The following FGFR1 variants were observed in gnomAD, a reference collection of about 807,000 sequenced individuals.
FGFR1 encodes the protein FGFR1/PLAG1 fusion.
Under a neutral mutation model 93.7 loss-of-function variants are expected in FGFR1, and 18 were observed. That is an observed-to-expected ratio of 0.19 (90% CI 0.13 to 0.28). The LOEUF is 0.28. Among genes scored for constraint, FGFR1 ranks in the 10% least tolerant of loss-of-function variants. FGFR1 has a pLI of 1.00. For missense variants in FGFR1, 731 were observed against 1,080.4 expected (o/e 0.68, Z 4.53); for synonymous variants, 448 against 429.3 (o/e 1.04, Z -0.54).
intron 2 of FGFR1, among the ~76,000 whole-genome samples, chr8:38,433,639 C>T (rs1196677898): frequency 1.3e-5 from 2 of 152,120 alleles, no homozygotes; most frequent in Non-Finnish European, 2.9e-5. Context: ...TGTCTTAAAA[C>T]AAAACAAGAA....
At chr8:38,414,981 T>G in intron 13 of FGFR1, 80 bp from the exon 14 acceptor site, 1 of 1,167,744 alleles carries the variant, frequency 8.6e-7, no homozygotes, top group Non-Finnish European at 1.3e-6. Flanking sequence ...CCCATGCAAC[T>G]AGCCGACTTG....
chr8:38,428,322 G>A, intron 4 of FGFR1, 24 bp downstream of exon 4: 4 of 1,609,798 alleles, frequency 2.5e-6, no homozygotes, highest in East Asian at 2.2e-5. Flanking sequence ...CCAAAGGGCA[G>A]TAAGATAGGA....
chr8:38,438,897 C>T (rs565967303), intron 2 of FGFR1, among the ~76,000 whole-genome samples: 5 of 152,134 alleles, frequency 3.3e-5, no homozygotes, highest in Admixed American at 6.6e-5. Flanking sequence ...TTTCCTCAAG[C>T]CCATAGCTCA....
At chr8:38,466,380 T>C (rs1427828750) in intron 1 of FGFR1, among the ~76,000 whole-genome samples, 1 of 152,220 alleles carries the variant, frequency 6.6e-6, no homozygotes, top group Non-Finnish European at 1.5e-5. Flanking sequence ...TTCCAGAAAC[T>C]TCCATCGTCA....
intron 7 of FGFR1, 38 bp from the exon 8 acceptor site, chr8:38,421,979 G>T (rs1189419140): frequency 6.2e-7 from 1 of 1,612,592 alleles, no homozygotes; most frequent in Admixed American, 1.7e-5. Context: ...ACAAGCACAG[G>T]ACATGAGACC....
chr8:38,417,720 C>G (rs1817203895), intron 11 of FGFR1, 150 bp downstream of exon 11: 1 of 1,079,560 alleles, frequency 9.3e-7, no homozygotes, highest in Non-Finnish European at 1.4e-6. Flanking sequence ...AGGTGCAGAA[C>G]ACCCCCTCCA....
intron 1 of FGFR1, among the ~76,000 whole-genome samples, chr8:38,465,089 T>C (rs1334669948): frequency 6.6e-6 from 1 of 152,192 alleles, no homozygotes; most frequent in African/African-American, 2.4e-5. Context: ...GGAATAAAGC[T>C]AGCCCAGCCT....
At chr8:38,445,704 ATT>A (rs538025771) in intron 2 of FGFR1, among the ~76,000 whole-genome samples, 2 of 135,532 alleles carry the variant, frequency 1.5e-5, no homozygotes, top group African/African-American at 2.7e-5. Flanking sequence ...ACGCCCGGTT[ATT>A]TTTTTTTTTT....
chr8:38,447,258 AT>A (rs1829659865), intron 2 of FGFR1, among the ~76,000 whole-genome samples: 2 of 152,168 alleles, frequency 1.3e-5, no homozygotes, highest in Non-Finnish European at 2.9e-5. Context: ...GGGAAACCCA[AT>A]TTGATATAGA....
rs1004789237 is a variant in FGFR1 at position 38,413,326 on chromosome 8, C to T, written c.*302G>A. 6 of 481,616 alleles carry T rather than the reference C, an allele frequency of 1.2e-5. 1 individual carries two copies. In the Admixed American group the frequency reaches 1.9e-4, roughly 15 times the overall value. 29.8% of individuals were successfully genotyped at this position (481,616 alleles called of 1,614,324 possible). ...TTGCATGCCTGTTCATTGGCTCCCA[C>T]TCCCTGCCCTCCAGGCAGTGCCTGG... On this transcript the variant is annotated 3_prime_UTR_variant, in exon 18 of 18. Transcript: ENST00000447712. This position sits in a 1 kb window ranked among gnomAD's most constrained non-coding sequence, Gnocchi z 4.2.
In FGFR1 at chr8:38,429,819, G is replaced by A. The variant is rs143241978; in HGVS notation, c.221C>T (p.Ala74Val). The change falls in exon 3 of 18, where the codon GCG (alanine) becomes GTG (valine). Residue 74 changes from alanine (A) to valine (V), a missense_variant. This residue lies in a region of FGFR1 where 212 missense variants were observed against 205.8 expected (regional missense o/e 1.03). Transcript: ENST00000447712. The surrounding 1 kb of genome is among the most constrained non-coding windows in gnomAD (Gnocchi z 4.4). ...INWLRDGVQL[A>V]ESNRTRITGE... is the part of the protein sequence containing the mutation. ...TGTGATGCGGGTGCGGTTGCTTTCC[G>A]CCAGCTGCACCCCGTCCCGCAGCCA... 118 of 1,613,648 alleles carry A rather than the reference G, an allele frequency of 7.3e-5. No individual in the cohort carries two copies. Among genetic ancestry groups the A allele is most frequent in the Non-Finnish European group, 9.4e-5 (111 of 1,179,922 alleles).
At chr8:38,434,804 G>A (rs1824679362) in intron 2 of FGFR1, 1 of 153,880 alleles carries the variant, frequency 6.5e-6, no homozygotes, top group African/African-American at 2.4e-5. Context: ...AGCAGGAATG[G>A]GCAGACTGCA....
intron 11 of FGFR1, 104 bp downstream of exon 11, chr8:38,417,766 G>A (rs1448968009): frequency 1.3e-6 from 2 of 1,539,282 alleles, no homozygotes; most frequent in Admixed American, 1.7e-5. Flanking sequence ...CGGAGCAGGT[G>A]TGGGCAGCAA....
intron 2 of FGFR1, among the ~76,000 whole-genome samples, chr8:38,444,111 T>C (rs928822531): frequency 2.9e-4 from 43 of 148,876 alleles, no homozygotes; most frequent in African/African-American, 1.1e-3. Flanking sequence ...GCAGCATTAG[T>C]TTATTAAAAA....
intron 13 of FGFR1, among the ~76,000 whole-genome samples, chr8:38,415,337 C>T (rs370577245): frequency 9.1e-4 from 139 of 152,254 alleles, no homozygotes; most frequent in African/African-American, 3.1e-3. Flanking sequence ...TCTGTCGCCC[C>T]GGCTGGGGTG....
chr8:38,414,239 G>A lies in FGFR1; in HGVS notation c.2099C>T (p.Pro700Leu), dbSNP rs2150534767. 1 of 1,614,172 alleles carries A rather than the reference G, an allele frequency of 6.2e-7. No individual in the cohort carries two copies. Among genetic ancestry groups the A allele is most frequent in the Non-Finnish European group, 8.5e-7 (1 of 1,180,032 alleles). The change falls in exon 16 of 18, where the codon CCA (proline) becomes CTA (leucine). Residue 700 changes from proline to leucine, a missense_variant. Pro to Leu is a moderately conservative substitution (Grantham distance 98). This residue lies in a region of FGFR1 where 35 missense variants were observed against 78.0 expected (regional missense o/e 0.45). Coordinates refer to ENST00000447712, the MANE Select transcript of FGFR1 (RefSeq NM_023110.3). ...TTCCTCCACAGGCACACCGGGGTATGGGGAGCCGCCCAGAGTGAAGATCTC... is the reference window on the plus strand; with the variant it reads ...TTCCTCCACAGGCACACCGGGGTATAGGGAGCCGCCCAGAGTGAAGATCTC... ...LWEIFTLGGSPYPGVPVEELF... is the reference protein window; with the variant it reads ...LWEIFTLGGSLYPGVPVEELF...
intron 2 of FGFR1, among the ~76,000 whole-genome samples, chr8:38,439,406 G>GTTGATTACAGC (rs1487386726): frequency 6.6e-6 from 1 of 152,134 alleles, no homozygotes; most frequent in African/African-American, 2.4e-5. Flanking sequence ...GCCCCTCACC[G>GTTGATTACAGC]TTGATTACAG....
chr8:38,439,868 C>T (rs1826782471), intron 2 of FGFR1, among the ~76,000 whole-genome samples: 1 of 152,120 alleles, frequency 6.6e-6, no homozygotes, highest in Non-Finnish European at 1.5e-5. Context: ...CTGTGTCTTG[C>T]ACTTACTCAT....
At chr8:38,417,457 G>A (rs776837147) in intron 11 of FGFR1, 41 bp from the exon 12 acceptor site, 3 of 1,555,370 alleles carry the variant, frequency 1.9e-6, no homozygotes, top group South Asian at 1.1e-5. Context: ...TGGGAAGGGA[G>A]GAGGGCAGGA....
Sources: gnomAD v4.1 joint callset for allele counts (sites outside exome capture counted in the v4.1 genomes callset) on GRCh38, gnomAD v4.1.1 for gene constraint, gnomAD v4.1.1 regional missense constraint, Gnocchi (gnomAD v3.1) non-coding constraint, MANE v1.5 for transcripts, NCBI Gene and HGNC (gene_info 2026-07-23, HGNC 2026-07-21) for gene names.